CNTNAP3B: variants seen among roughly 807,000 people sequenced by gnomAD.
The protein encoded by CNTNAP3B is contactin associated protein family member 3B.
Under a neutral mutation model 108.9 loss-of-function variants are expected in CNTNAP3B, and 25 were observed. That is an observed-to-expected ratio of 0.23 (90% CI 0.17 to 0.32). The LOEUF is 0.32. Among genes scored for constraint, CNTNAP3B ranks in the 10% least tolerant of loss-of-function variants. The pLI is 1.00. For synonymous variants in CNTNAP3B, 103 were observed against 473.4 expected (o/e 0.22, Z 10.16); for missense variants, 252 against 1,210.4 (o/e 0.21, Z 11.75).
At chr9:41,986,402 A>T (rs1367426078) in intron 8 of CNTNAP3B, 91 bp from the exon 9 acceptor site, 1 of 999,864 alleles carries the variant, frequency 1.0e-6, no homozygotes, top group Non-Finnish European at 1.4e-6. Flanking sequence ...TGAATAAGTC[A>T]GAGAAGAGTG....
At chr9:41,954,358 G>A (rs1472636132) in intron 12 of CNTNAP3B, among the ~76,000 whole-genome samples, 1 of 152,268 alleles carries the variant, frequency 6.6e-6, no homozygotes, top group Admixed American at 6.5e-5. Flanking sequence ...TAAATGGCTT[G>A]TGCGTAAGAC....
chr9:42,110,020 T>A (rs540680165), intron 1 of CNTNAP3B, among the ~76,000 whole-genome samples: 4 of 137,564 alleles, frequency 2.9e-5, no homozygotes, highest in Admixed American at 1.5e-4. Flanking sequence ...TCGTAGGGAG[T>A]GTGGCCCATC....
intron 13 of CNTNAP3B, among the ~76,000 whole-genome samples, chr9:41,952,001 C>T (rs1359161645): frequency 2.6e-5 from 4 of 152,222 alleles, no homozygotes; most frequent in Admixed American, 6.5e-5. Flanking sequence ...CGCTTGAATC[C>T]GGGAGGGGAG....
At chr9:42,115,153 A>G (rs1352614495) in intron 1 of CNTNAP3B, among the ~76,000 whole-genome samples, 1 of 138,676 alleles carries the variant, frequency 7.2e-6, no homozygotes, top group East Asian at 2.2e-4. Context: ...ACTTTCAAAC[A>G]TTGCTAAATG....
At chr9:41,925,974 A>G (rs1230470208) in intron 15 of CNTNAP3B, among the ~76,000 whole-genome samples, 1 of 152,294 alleles carries the variant, frequency 6.6e-6, no homozygotes, top group Non-Finnish European at 1.5e-5. Flanking sequence ...CATTGCTTCT[A>G]GCCCTCTCAG....
chr9:41,935,202 T>C (rs2118037998), intron 14 of CNTNAP3B, among the ~76,000 whole-genome samples: 1 of 152,404 alleles, frequency 6.6e-6, no homozygotes, highest in African/African-American at 2.4e-5. Flanking sequence ...GATAGAATAT[T>C]CTTACTGTGC....
At chr9:41,963,945 T>G (rs1228553707) in intron 11 of CNTNAP3B, among the ~76,000 whole-genome samples, 5 of 151,906 alleles carry the variant, frequency 3.3e-5, no homozygotes, top group Non-Finnish European at 1.5e-5. Flanking sequence ...ATTAATACTT[T>G]TACAATTATT....
intron 3 of CNTNAP3B, among the ~76,000 whole-genome samples, chr9:42,028,745 T>C (rs1384199887): frequency 6.7e-6 from 1 of 150,142 alleles, no homozygotes; most frequent in African/African-American, 2.5e-5. Flanking sequence ...ATCACAGAAG[T>C]TTGGCATTTT....
chr9:41,993,663 C>T (rs1319900632), intron 7 of CNTNAP3B: 3 of 99,526 alleles, frequency 3.0e-5, no homozygotes, highest in Non-Finnish European at 6.4e-5. Flanking sequence ...CTGCCTGCTA[C>T]AACAGAGAAG....
chr9:41,950,680 A>C (rs1824647418), intron 13 of CNTNAP3B, among the ~76,000 whole-genome samples: 3 of 151,372 alleles, frequency 2.0e-5, no homozygotes, highest in Non-Finnish European at 4.4e-5. Context: ...TTGAAGTTTA[A>C]AAAAACCCAT....
chr9:41,927,812 C>T, intron 15 of CNTNAP3B, among the ~76,000 whole-genome samples: 1 of 151,984 alleles, frequency 6.6e-6, no homozygotes, highest in Non-Finnish European at 1.5e-5. Flanking sequence ...TAACAAATTA[C>T]TGACATTGGG....
chr9:41,991,027 GC>G (rs1187768533), intron 8 of CNTNAP3B, among the ~76,000 whole-genome samples: 1 of 133,548 alleles, frequency 7.5e-6, no homozygotes, highest in Non-Finnish European at 1.6e-5. Context: ...AACAGCTGAG[GC>G]TTAGGAGGCT....
At chr9:41,921,409 C>T (rs1182569616) in intron 17 of CNTNAP3B, among the ~76,000 whole-genome samples, 1 of 151,710 alleles carries the variant, frequency 6.6e-6, no homozygotes, top group Non-Finnish European at 1.5e-5. Flanking sequence ...GTATAACACC[C>T]CATCCACATC....
At chr9:42,036,789 C>T (rs1178326054) in intron 3 of CNTNAP3B, among the ~76,000 whole-genome samples, 2 of 135,536 alleles carry the variant, frequency 1.5e-5, no homozygotes, top group East Asian at 2.2e-4. Context: ...AACTGGGAGG[C>T]ACCTCCAAGT....
At chr9:41,958,909 T>A (rs1434257486) in intron 12 of CNTNAP3B, among the ~76,000 whole-genome samples, 3 of 139,838 alleles carry the variant, frequency 2.1e-5, no homozygotes, top group Non-Finnish European at 4.6e-5. Context: ...GGTGTCAAAC[T>A]CACAGAAGTG....
At chr9:41,959,966 A>G (rs1280310279) in intron 12 of CNTNAP3B, 1 of 152,184 alleles carries the variant, frequency 6.6e-6, no homozygotes, top group African/African-American at 2.4e-5. Flanking sequence ...GCAATCTTCT[A>G]TAATCAAGCT....
At chr9:41,928,414 C>G (rs1361440710) in intron 15 of CNTNAP3B, among the ~76,000 whole-genome samples, 428 of 151,840 alleles carry the variant, frequency 2.8e-3, no homozygotes, top group African/African-American at 9.4e-3. Context: ...CTTCATCAAG[C>G]AGGAGACAAG....
Position 41,929,404 on chromosome 9 carries a change from G to A in CNTNAP3B, c.2278C>T (p.Pro760Ser), listed in dbSNP as rs560260824. The change falls in exon 15 of 24, where the codon CCA (proline) becomes TCA (serine). Residue 760 changes from proline (P) to serine (S), a missense_variant. Physicochemically the swap from Pro to Ser is moderately conservative, Grantham distance 74. Transcript: ENST00000377561. ...TCTGTCATCACAATCTGAGTGACTG[G>A]GAGGTGCTCCTTTTGGGAAAGGACT... is the stretch of plus-strand genomic sequence containing the variant. Reference protein sequence around the residue: ...TIVLSQKEHLPVTQIVMTDTG... With the variant: ...TIVLSQKEHLSVTQIVMTDTG... 69 of 1,541,036 alleles carry A rather than the reference G, an allele frequency of 4.5e-5. 16 individuals are homozygous for A. Among genetic ancestry groups the A allele is most frequent in the East Asian group, 3.2e-4 (14 of 43,280 alleles).
intron 9 of CNTNAP3B, among the ~76,000 whole-genome samples, chr9:41,973,914 G>A (rs1276217678): frequency 3.0e-5 from 4 of 135,312 alleles, no homozygotes; most frequent in African/African-American, 3.0e-5. Flanking sequence ...GCACCATCTC[G>A]GTTCACTGCA....
Sources: gnomAD v4.1 joint callset for allele counts (sites outside exome capture counted in the v4.1 genomes callset) on GRCh38, gnomAD v4.1.1 for gene constraint, MANE v1.5 for transcripts, NCBI Gene and HGNC (gene_info 2026-07-23, HGNC 2026-07-21) for gene names.